Variants in GBF1 observed in about 807,000 individuals in gnomAD.
GBF1 encodes the protein Golgi-specific brefeldin A-resistance guanine nucleotide exchange factor 1.
GBF1 carries 114 observed loss-of-function variants against 210.5 expected under a neutral mutation model. That is an observed-to-expected ratio of 0.54 (90% CI 0.47 to 0.63). The LOEUF is 0.63. Among genes scored for constraint, GBF1 ranks in the 30% least tolerant of loss-of-function variants. The pLI is 0.00. For missense variants in GBF1, 1,851 were observed against 2,357.7 expected, an observed-to-expected ratio of 0.79 and a Z score of 4.45; for synonymous variants, 850 against 889.2, an observed-to-expected ratio of 0.96 and a Z score of 0.78.
chr10:102,365,527 G>C lies in GBF1; in HGVS notation c.2237G>C (p.Arg746Pro), dbSNP rs772367153. 2 of 1,614,018 alleles carry C rather than the reference G, an allele frequency of 1.2e-6. No individual in the cohort carries two copies. Among genetic ancestry groups the C allele is most frequent in the Non-Finnish European group, 1.7e-6 (2 of 1,180,030 alleles). ...EVAQWLRENP[R>P]LDKKMIGEFV... ...GCTCAGTGGCTCCGAGAGAACCCTC[G>C]GCTGGACAAGAAGATGATTGGAGAG... Residue 746 changes from arginine (R) to proline (P), a missense_variant, in exon 18 of 40, where the codon CGG (arginine) becomes CCG (proline). By Grantham distance (103) the Arg-to-Pro change is moderately radical. This residue lies in a region of GBF1 where 804 missense variants were observed against 958.6 expected (regional missense o/e 0.84). Transcript: ENST00000369983.
chr10:102,339,552 A>G (rs2058029282), intron 3 of GBF1, among the ~76,000 whole-genome samples: 1 of 151,132 alleles, frequency 6.6e-6, no homozygotes, highest in East Asian at 2.0e-4. Context: ...CTGTAGTCCC[A>G]GCTACTCAGG....
At chr10:102,247,783 A>G (rs1443456914) in intron 1 of GBF1, among the ~76,000 whole-genome samples, 2 of 152,026 alleles carry the variant, frequency 1.3e-5, no homozygotes, top group Non-Finnish European at 2.9e-5. Flanking sequence ...CTTCTTTTTA[A>G]TGGTGTTTGT....
chr10:102,366,206 T>C lies in GBF1; in HGVS notation c.2310-177T>C, dbSNP rs1223719249. ...AGGGTTCTAGGCAAGAGTCCGTGGATGTGAAAAGTATTAAGGCTAGGGGTT... is the reference window on the plus strand; with the variant it reads ...AGGGTTCTAGGCAAGAGTCCGTGGACGTGAAAAGTATTAAGGCTAGGGGTT... On this transcript the variant is annotated intron_variant, in intron 18 of 39. Coordinates refer to ENST00000369983, the MANE Select transcript of GBF1 (RefSeq NM_001377137.1). The surrounding 1 kb of genome is among the most constrained non-coding windows in gnomAD (Gnocchi z 4.0). Among the ~76,000 whole-genome samples, 1 of 152,022 alleles carries C rather than the reference T, an allele frequency of 6.6e-6. No homozygotes were observed. Among genetic ancestry groups the C allele is most frequent in the Non-Finnish European group, 1.5e-5 (1 of 68,000 alleles).
Position 102,358,066 on chromosome 10 carries a change from G to A in GBF1, c.667G>A (p.Asp223Asn). 1 of 1,608,976 alleles carries A rather than the reference G, an allele frequency of 6.2e-7. No individual in the cohort carries two copies. Among genetic ancestry groups the A allele is most frequent in the Non-Finnish European group, 8.5e-7 (1 of 1,175,320 alleles). Residue 223 changes from aspartate (D) to asparagine (N), a missense_variant, in exon 9 of 40, where the codon GAT (aspartate) becomes AAT (asparagine). Physicochemically the swap from Asp to Asn is conservative, Grantham distance 23. Around this residue, in one of 3 missense-constraint regions of GBF1, gnomAD observed 804 missense variants for 958.6 expected, o/e 0.84. Coordinates refer to ENST00000369983, the MANE Select transcript of GBF1 (RefSeq NM_001377137.1). ...GAAAATGAGAGCCGGAGGCATGAGT[G>A]ATTCATCCAAATGGAAGAAACAGAA... ...KLKMRAGGMS[D>N]SSKWKKQKRS... is the part of the protein sequence containing the mutation.
intron 29 of GBF1, among the ~76,000 whole-genome samples, chr10:102,371,738 G>T (rs2060216461): frequency 6.6e-6 from 1 of 152,144 alleles, no homozygotes; most frequent in African/African-American, 2.4e-5. Flanking sequence ...AGGCCAGCCT[G>T]GCCAACATGG....
At chr10:102,259,948 A>T in intron 2 of GBF1, 102 bp from the exon 3 acceptor site, 3 of 670,972 alleles carry the variant, frequency 4.5e-6, no homozygotes, top group Non-Finnish European at 8.0e-6. Context: ...AACTTAAATG[A>T]TTTTCTGATT....
intron 4 of GBF1, among the ~76,000 whole-genome samples, 170 bp from the exon 5 acceptor site, chr10:102,351,086 C>CAAAAA (rs531631806): frequency 3.7e-5 from 3 of 81,362 alleles, no homozygotes; most frequent in African/African-American, 1.3e-4. Context: ...GACTCTGTCT[C>CAAAAA]AAAAAAAAAA....
chr10:102,266,274 T>TAGGTA (rs2073868873), intron 3 of GBF1, among the ~76,000 whole-genome samples: 1 of 152,130 alleles, frequency 6.6e-6, no homozygotes, highest in South Asian at 2.1e-4. Flanking sequence ...AGGCCCAGTA[T>TAGGTA]AGGTACCCAT....
In GBF1 at chr10:102,344,074, G is replaced by T. The variant is rs556217623; in HGVS notation, c.187G>T (p.Val63Leu). ...ITELSEIEPN[V>L]FLRPFLEVIR... is the part of the protein sequence containing the mutation. ...AGAACTCTCAGAAATTGAGCCCAAT[G>T]TATTCCTTCGACCTTTTCTGGAAGT... Residue 63 changes from valine to leucine, a missense_variant, in exon 4 of 40, where the codon GTA (valine) becomes TTA (leucine). This residue lies in a region of GBF1 where 804 missense variants were observed against 958.6 expected (regional missense o/e 0.84). Coordinates refer to ENST00000369983, the MANE Select transcript of GBF1 (RefSeq NM_001377137.1). 6.2e-7 allele frequency: 1 copy of T among 1,612,536 alleles called. No homozygotes were observed. Among genetic ancestry groups the T allele is most frequent in the African/African-American group, 1.3e-5 (1 of 75,010 alleles).
At chr10:102,330,555 A>C (rs10786664) in intron 3 of GBF1, among the ~76,000 whole-genome samples, 1 of 151,876 alleles carries the variant, frequency 6.6e-6, no homozygotes, top group African/African-American at 2.4e-5. Flanking sequence ...GTGGTAGTAC[A>C]CGCCTGTAAT....
chr10:102,234,315 C>A, the GBF1 span, among the ~76,000 whole-genome samples: 1 of 152,110 alleles, frequency 6.6e-6, no homozygotes, highest in Non-Finnish European at 1.5e-5. Flanking sequence ...GAGGTCAAGG[C>A]AGGAGGTTGA....
chr10:102,276,002 C>T (rs939005743), intron 3 of GBF1, among the ~76,000 whole-genome samples: 6 of 151,932 alleles, frequency 3.9e-5, no homozygotes, highest in Non-Finnish European at 7.4e-5. Context: ...TTTGGGAGGC[C>T]GAGGCAGGTG....
rs749124540 is a variant in GBF1, at chr10:102,363,443, T to C, written c.2017+47T>C. On this transcript the variant is annotated intron_variant, in intron 16 of 39. Coordinates refer to ENST00000369983, the MANE Select transcript of GBF1 (RefSeq NM_001377137.1). This position sits in a 1 kb window ranked among gnomAD's most constrained non-coding sequence, Gnocchi z 4.2. ...CCCTAAGCTCCTCACCTGGAGGGCCTGGTGAAGAGCAGAGGGAGGGAGCAG... is the reference window on the plus strand; with the variant it reads ...CCCTAAGCTCCTCACCTGGAGGGCCCGGTGAAGAGCAGAGGGAGGGAGCAG... 20 of 1,555,098 alleles carry C rather than the reference T, an allele frequency of 1.3e-5. 1 individual carries two copies. Among genetic ancestry groups the C allele is most frequent in the Non-Finnish European group, 8.8e-6 (10 of 1,136,124 alleles).
chr10:102,272,219 C>T lies in GBF1; in HGVS notation c.163+12103C>T, dbSNP rs146729179. ...TCCCAGGTTCAAGTGATTCTCCTGC[C>T]TCAGCCTCCCCAGTAGCTGGGATTA... On this transcript the variant is annotated intron_variant, in intron 3 of 39. Coordinates refer to ENST00000369983, the MANE Select transcript of GBF1 (RefSeq NM_001377137.1). Among the ~76,000 whole-genome samples, 467 of 152,276 alleles carry T rather than the reference C, an allele frequency of 3.1e-3. 1 individual carries two copies. Among genetic ancestry groups the T allele is most frequent in the African/African-American group, 1.0e-2 (415 of 41,546 alleles).
chr10:102,365,630 G>C, intron 18 of GBF1, 31 bp downstream of exon 18: 2 of 1,578,706 alleles, frequency 1.3e-6, no homozygotes, highest in Non-Finnish European at 1.7e-6. Flanking sequence ...GTGGGATATA[G>C]CCAGGTATGG....
At position 102,358,073 on chromosome 10, in the gene GBF1, C is replaced by T; in HGVS notation, c.674C>T (p.Ser225Phe). The T allele has an allele frequency of 6.2e-7, 1 of 1,609,140 alleles. No individual in the cohort carries two copies. Among genetic ancestry groups the T allele is most frequent in the Non-Finnish European group, 8.5e-7 (1 of 1,175,506 alleles). Residue 225 changes from serine to phenylalanine, a missense_variant, in exon 9 of 40, where the codon TCC becomes TTC. Ser to Phe is a radical substitution (Grantham distance 155). Around this residue, in one of 3 missense-constraint regions of GBF1, gnomAD observed 804 missense variants for 958.6 expected, o/e 0.84. Coordinates refer to ENST00000369983, the MANE Select transcript of GBF1 (RefSeq NM_001377137.1). ...AGAGCCGGAGGCATGAGTGATTCATCCAAATGGAAGAAACAGAAGAGATCC... is the reference window on the plus strand; with the variant it reads ...AGAGCCGGAGGCATGAGTGATTCATTCAAATGGAAGAAACAGAAGAGATCC... Reference protein sequence around the residue: ...KMRAGGMSDSSKWKKQKRSPR... With the variant: ...KMRAGGMSDSFKWKKQKRSPR...
chr10:102,309,348 C>T (rs2133953511), intron 3 of GBF1, among the ~76,000 whole-genome samples: 1 of 152,274 alleles, frequency 6.6e-6, no homozygotes, highest in Middle Eastern at 3.4e-3. Context: ...TCTGTGGATG[C>T]AAGTGTGTAA....
chr10:102,264,400 A>G (rs940326980), intron 3 of GBF1, among the ~76,000 whole-genome samples: 1 of 152,212 alleles, frequency 6.6e-6, no homozygotes, highest in Non-Finnish European at 1.5e-5. Context: ...TCAAACTGTA[A>G]TCTTTGACAT....
intron 3 of GBF1, among the ~76,000 whole-genome samples, chr10:102,292,368 T>C (rs2076518017): frequency 6.6e-6 from 1 of 152,026 alleles, no homozygotes; most frequent in Non-Finnish European, 1.5e-5. Context: ...TGTATGTATG[T>C]ACTTGTTAAT....
Sources: allele counts gnomAD v4.1 joint callset (sites outside exome capture counted in the v4.1 genomes callset), GRCh38; gene constraint gnomAD v4.1.1; regional missense constraint gnomAD v4.1.1; non-coding constraint Gnocchi (gnomAD v3.1); transcripts MANE v1.5; gene names NCBI Gene and HGNC (gene_info 2026-07-23, HGNC 2026-07-21).